The following NARF variants were observed in gnomAD, a reference collection of about 807,000 sequenced individuals.
NARF encodes iron-only hydrogenase-like protein 2.
Under a neutral mutation model 48.0 loss-of-function variants are expected in NARF, and 41 were observed. The ratio of observed to expected loss-of-function variants is 0.85; its 90% confidence interval spans 0.66 to 1.11. The LOEUF is 1.11. Ranked by LOEUF, NARF falls within the 50% of genes least tolerant of loss-of-function variation. The pLI, the probability that NARF is intolerant of heterozygous loss-of-function variation, is 0.00. For missense variants in NARF, 613 were observed against 590.2 expected (o/e 1.04, Z -0.40); for synonymous variants, 215 against 225.5 (o/e 0.95, Z 0.42).
chr17:82,468,565 A>G (rs2043624150), intron 3 of NARF, 199 bp from the exon 4 acceptor site: 2 of 546,704 alleles, frequency 3.7e-6, no homozygotes, highest in East Asian at 3.3e-5. Context: ...TTAAAAAAAT[A>G]TTTACCAGAA....
upstream of NARF, chr17:82,458,672 A>G: frequency 8.1e-7 from 1 of 1,228,410 alleles, no homozygotes; most frequent in South Asian, 1.8e-5. Flanking sequence ...TCATTGGCCG[A>G]GCGCGGCCGT....
At chr17:82,487,797 C>CAAGAAA in intron 10 of NARF, 119 bp from the exon 11 acceptor site, 7 of 505,660 alleles carry the variant, frequency 1.4e-5, no homozygotes, top group Non-Finnish European at 2.4e-5. Context: ...CCAATCTCTA[C>CAAGAAA]AAAAAATTTA....
At chr17:82,472,070 C>G (rs2043723137) in intron 4 of NARF, among the ~76,000 whole-genome samples, 1 of 152,146 alleles carries the variant, frequency 6.6e-6, no homozygotes, top group Non-Finnish European at 1.5e-5. Flanking sequence ...CGGTCTTGAA[C>G]TTAGGCCGTT....
intron 3 of NARF, among the ~76,000 whole-genome samples, 161 bp downstream of exon 3, chr17:82,464,591 C>T (rs1050281058): frequency 6.6e-6 from 1 of 152,206 alleles, no homozygotes; most frequent in African/African-American, 2.4e-5. Context: ...CAAACCTCTC[C>T]ATCAAGAGCA....
At chr17:82,478,032 C>G (rs149543844) in intron 5 of NARF, 1 of 152,870 alleles carries the variant, frequency 6.5e-6, no homozygotes, top group East Asian at 1.9e-4. Flanking sequence ...TTGCGTGGCT[C>G]TCATGTACAC....
chr17:82,478,766 T>C, intron 5 of NARF, 34 bp from the exon 6 acceptor site: 1 of 1,589,160 alleles, frequency 6.3e-7, no homozygotes, highest in South Asian at 1.1e-5. Context: ...GAGGAAGCAG[T>C]AAGGAGCTGA....
At chr17:82,477,539 G>A (rs1338412488) in intron 5 of NARF, 1 of 152,078 alleles carries the variant, frequency 6.6e-6, no homozygotes, top group Non-Finnish European at 1.5e-5. Context: ...ACAACACAGA[G>A]TCTTGCTCTG....
chr17:82,487,704 G>C (rs532403912), intron 10 of NARF, among the ~76,000 whole-genome samples: 1 of 152,244 alleles, frequency 6.6e-6, no homozygotes, highest in Non-Finnish European at 1.5e-5. Flanking sequence ...CACGCCAGTG[G>C]TCCCAGCTCG....
chr17:82,482,002 C>T (rs2043975923), intron 7 of NARF: 2 of 297,508 alleles, frequency 6.7e-6, no homozygotes, highest in African/African-American at 4.6e-5. Flanking sequence ...TAAGAGCCTA[C>T]AGTGAGTTCT....
chr17:82,459,288 C>G, intron 1 of NARF: 1 of 606,696 alleles, frequency 1.6e-6, no homozygotes, highest in African/African-American at 2.0e-5. Flanking sequence ...ATGGCAACAA[C>G]CGCGCAGCGC....
At chr17:82,468,429 T>G (rs1381420666) in intron 3 of NARF, 1 of 262,238 alleles carries the variant, frequency 3.8e-6, no homozygotes, top group Non-Finnish European at 7.3e-6. Context: ...TAAGTGTGAT[T>G]ATAGCGCTCT....
chr17:82,468,977 A>C (rs1258376593), intron 4 of NARF, 81 bp downstream of exon 4: 8 of 1,525,656 alleles, frequency 5.2e-6, no homozygotes, highest in Non-Finnish European at 7.2e-6. Flanking sequence ...TCGTTTTTCA[A>C]GGACGCAGGG....
intron 3 of NARF, among the ~76,000 whole-genome samples, chr17:82,465,942 T>C (rs1010892406): frequency 4.6e-5 from 7 of 152,342 alleles, no homozygotes; most frequent in African/African-American, 1.4e-4. Flanking sequence ...CCCTGACTTA[T>C]ATGCACTTGC....
Position 82,487,896 on chromosome 17 carries a change from T to TA in NARF, c.1130-19dup, listed in dbSNP as rs758102954. ...AGATCGCCTGAGCCCAGGATAAACTTACCTGTGTTTATCTTTCAGGATGCT... is the reference window on the plus strand; with the variant it reads ...AGATCGCCTGAGCCCAGGATAAACTTAACCTGTGTTTATCTTTCAGGATGCT... On this transcript the variant is annotated intron_variant, in intron 10 of 10. Transcript: ENST00000309794. 1.9e-6 allele frequency: 3 copies of TA among 1,613,250 alleles called. No homozygotes were observed. Among genetic ancestry groups the TA allele is most frequent in the Non-Finnish European group, 2.5e-6 (3 of 1,179,412 alleles).
intron 2 of NARF, 176 bp from the exon 3 acceptor site, chr17:82,464,111 C>T: frequency 1.4e-6 from 1 of 729,452 alleles, no homozygotes; most frequent in Admixed American, 3.0e-5. Context: ...CCTTCACCAC[C>T]TTGAGCTGCT....
intron 6 of NARF, 59 bp downstream of exon 6, chr17:82,478,977 GC>G: frequency 6.6e-7 from 1 of 1,505,724 alleles, no homozygotes. Context: ...TGGCACAGGG[GC>G]CCAGGAAGGG....
chr17:82,461,378 G>A (rs976189969), intron 2 of NARF, among the ~76,000 whole-genome samples: 9 of 152,178 alleles, frequency 5.9e-5, no homozygotes, highest in Admixed American at 3.3e-4. Flanking sequence ...TTGGGAGGCC[G>A]AGGTGGGTGG....
In NARF at chr17:82,488,359, T is replaced by G; in HGVS notation, c.*202T>G. ...TGTGGTGCTATCTTCATAATAGGTG[T>G]GGGATTGGAACTTTTTTTTTCTTTT... is the stretch of plus-strand genomic sequence containing the variant. On this transcript the variant is annotated 3_prime_UTR_variant, in exon 11 of 11. Transcript: ENST00000309794. 1.3e-6 allele frequency: 1 copy of G among 743,874 alleles called. No homozygotes were observed. Among genetic ancestry groups the G allele is most frequent in the Non-Finnish European group, 2.0e-6 (1 of 495,514 alleles). The allele number at this position is 743,874 out of a possible 1,614,324, so 46.1% of individuals were successfully genotyped here. A position where few individuals can be genotyped will look rare whatever the true frequency, so the allele number is the denominator to read the frequency against.
chr17:82,459,156 G>A (rs2043365636), intron 1 of NARF: 3 of 1,132,922 alleles, frequency 2.6e-6, no homozygotes, highest in Non-Finnish European at 3.2e-6. Context: ...ATGATCAGAA[G>A]CGTTTCGAGA....
Sources: allele counts gnomAD v4.1 joint callset (sites outside exome capture counted in the v4.1 genomes callset), GRCh38; gene constraint gnomAD v4.1.1; transcripts MANE v1.5; gene names NCBI Gene and HGNC (gene_info 2026-07-23, HGNC 2026-07-21).